TPGS1: variants seen among roughly 807,000 people sequenced by gnomAD.
The protein encoded by TPGS1 is gene trap ROSA b-geo 22.
Under a neutral mutation model 11.9 loss-of-function variants are expected in TPGS1, and 18 were observed. That is an observed-to-expected ratio of 1.51 (90% confidence interval 1.04 to 2.24). The LOEUF (loss-of-function observed/expected upper bound fraction) is 2.24. TPGS1 is among the 30% of genes most tolerant of loss of function. The pLI is 0.00. For missense variants in TPGS1, 500 were observed against 443.0 expected (o/e 1.13, Z -1.16); for synonymous variants, 247 against 218.2 (o/e 1.13, Z -1.16).
intron 1 of TPGS1, among the ~76,000 whole-genome samples, chr19:515,815 G>A (rs565857426): frequency 7.4e-4 from 112 of 152,142 alleles, no homozygotes; most frequent in African/African-American, 2.2e-3. Flanking sequence ...GGTGGATCAC[G>A]AGGTCAGGAG....
intron 1 of TPGS1, chr19:508,566 TG>T (rs34918118): frequency 0.13 from 18,445 of 140,896 alleles, 2,809 homozygotes; most frequent in African/African-American, 0.38. Flanking sequence ...TGTCTTTTGT[TG>T]GGGGGGGGGT....
At chr19:517,813 C>A (rs1311566199) in intron 1 of TPGS1, among the ~76,000 whole-genome samples, 2 of 56,950 alleles carry the variant, frequency 3.5e-5, no homozygotes, top group African/African-American at 1.6e-4. Context: ...AGGAGGAGGC[C>A]GAGGCTGGGG....
At chr19:513,958 A>C (rs768190923) in intron 1 of TPGS1, among the ~76,000 whole-genome samples, 2 of 142,700 alleles carry the variant, frequency 1.4e-5, no homozygotes, top group African/African-American at 5.4e-5. Flanking sequence ...CTGCACACCA[A>C]CCTGCCCCGG....
chr19:513,030 G>A (rs1978847089), intron 1 of TPGS1, among the ~76,000 whole-genome samples: 1 of 152,246 alleles, frequency 6.6e-6, no homozygotes, highest in African/African-American at 2.4e-5. Flanking sequence ...CCCCAAGCCA[G>A]AGCCTCGCAG....
In TPGS1 at chr19:519,110, C is replaced by G; in HGVS notation, c.560C>G (p.Thr187Ser). The change falls in exon 2 of 2, where the codon ACC (threonine) becomes AGC (serine). Residue 187 changes from threonine (T) to serine (S), a missense_variant. Transcript: ENST00000359315. The stretch of plus-strand genomic sequence containing the variant: ...AGCGTCTTCCGCGCGGGCACACTCA[C>G]CTGCTTCGTGCTGCTGGAGTTCGTG... ...PLSVFRAGTL[T>S]CFVLLEFVAR... 1.3e-6 allele frequency: 2 copies of G among 1,531,926 alleles called. No homozygotes were observed. The highest frequency in any genetic ancestry group is 1.2e-5 in the South Asian group (1 of 83,280). The allele number at this position is 1,531,926 out of a possible 1,614,324, so 94.9% of individuals were successfully genotyped here.
chr19:517,367 G>A (rs957948150), intron 1 of TPGS1, among the ~76,000 whole-genome samples: 2 of 73,134 alleles, frequency 2.7e-5, no homozygotes, highest in African/African-American at 6.3e-5. Flanking sequence ...GGGGAGGAGA[G>A]GCCTGAGCTG....
intron 1 of TPGS1, among the ~76,000 whole-genome samples, chr19:516,960 G>T (rs1978972356): frequency 6.6e-6 from 1 of 152,166 alleles, no homozygotes; most frequent in African/African-American, 2.4e-5. Context: ...GGTTAGAGCT[G>T]ATTTCACTAA....
chr19:517,945 G>T (rs1979011293), intron 1 of TPGS1, among the ~76,000 whole-genome samples: 1 of 117,732 alleles, frequency 8.5e-6, no homozygotes, highest in Non-Finnish European at 1.7e-5. Flanking sequence ...GATCCAGGTT[G>T]GGAGGAGGCC....
intron 1 of TPGS1, among the ~76,000 whole-genome samples, chr19:513,591 TACTGCATGCCGGCCCTGCATTACTGAAC>T (rs2145833015): frequency 6.7e-6 from 1 of 150,216 alleles, no homozygotes; most frequent in Admixed American, 6.6e-5. Context: ...ACTGAGCACC[TACTGCATGCCGGCCCTGCATTACTGAAC>T]ACCTACTGCA....
intron 1 of TPGS1, chr19:508,970 G>T (rs1415379468): frequency 2.0e-5 from 3 of 152,436 alleles, no homozygotes; most frequent in African/African-American, 7.2e-5. Context: ...GGCAGGCCCA[G>T]AGGGTCAGTG....
chr19:512,706 G>T (rs1472220758), intron 1 of TPGS1, among the ~76,000 whole-genome samples: 1 of 152,256 alleles, frequency 6.6e-6, no homozygotes. Context: ...CCTTCGAGAT[G>T]CCCCTGCAAG....
At chr19:512,909 C>A (rs1362283874) in intron 1 of TPGS1, among the ~76,000 whole-genome samples, 2 of 152,224 alleles carry the variant, frequency 1.3e-5, no homozygotes, top group African/African-American at 4.8e-5. Flanking sequence ...CGCGCAGCTC[C>A]CAGGGAGCAC....
chr19:518,925 G>C lies in TPGS1; in HGVS notation c.375G>C (p.Glu125Asp). 6.3e-7 allele frequency: 1 copy of C among 1,577,186 alleles called. No individual in the cohort carries two copies. Among genetic ancestry groups the C allele is most frequent in the Non-Finnish European group, 8.6e-7 (1 of 1,168,806 alleles). The change falls in exon 2 of 2, where the codon GAG becomes GAC. Residue 125 changes from glutamate (E) to aspartate (D), a missense_variant. Coordinates refer to ENST00000359315, the MANE Select transcript of TPGS1 (RefSeq NM_033513.3). ...ACAACAACGTGAGCGTGGCCTACGA[G>C]TGCCTGAGCGCCGGCGGGCGCAGGA... is the stretch of plus-strand genomic sequence containing the variant. ...AFNNNVSVAY[E>D]CLSAGGRRKR...
chr19:512,552 T>C (rs1978828542), intron 1 of TPGS1, among the ~76,000 whole-genome samples: 1 of 152,090 alleles, frequency 6.6e-6, no homozygotes, highest in Non-Finnish European at 1.5e-5. Flanking sequence ...CGATGGCTCT[T>C]AACATTCCCG....
chr19:507,784 TGCA>T lies in TPGS1; in HGVS notation c.287_289del (p.Gln96del), dbSNP rs1461837664. 5.0e-6 allele frequency: 7 copies of T among 1,389,798 alleles called. No homozygotes were observed. The highest frequency in any genetic ancestry group is 5.6e-6 in the Non-Finnish European group (6 of 1,074,864). 86.1% of individuals were successfully genotyped at this position (1,389,798 alleles called of 1,614,324 possible). ...GGGGAGCCCCCGGGCCAGCTCCTGC[TGCA>T]GCAGCAGCGCCTGGGCCGCGCGCTA... On this transcript the variant is annotated inframe_deletion, in exon 1 of 2. Coordinates refer to ENST00000359315, the MANE Select transcript of TPGS1 (RefSeq NM_033513.3).
intron 1 of TPGS1, 82 bp from the exon 2 acceptor site, chr19:518,807 G>A: frequency 7.2e-7 from 1 of 1,391,836 alleles, no homozygotes; most frequent in Non-Finnish European, 9.3e-7. Context: ...GGGAGGCTAG[G>A]GCATAGGCCT....
Position 519,107 on chromosome 19 carries a change from T to C in TPGS1, c.557T>C (p.Leu186Pro), listed in dbSNP as rs778785355. ...VPLSVFRAGTLTCFVLLEFVA... is the reference protein window; with the variant it reads ...VPLSVFRAGTPTCFVLLEFVA... The stretch of plus-strand genomic sequence containing the variant: ...CTGAGCGTCTTCCGCGCGGGCACAC[T>C]CACCTGCTTCGTGCTGCTGGAGTTC... Residue 186 changes from leucine (L) to proline (P), a missense_variant, in exon 2 of 2, where the codon CTC becomes CCC. By Grantham distance (98) the Leu-to-Pro change is moderately conservative. Coordinates refer to ENST00000359315, the MANE Select transcript of TPGS1 (RefSeq NM_033513.3). 12 of 1,530,254 alleles carry C rather than the reference T, an allele frequency of 7.8e-6. 1 individual carries two copies. In the South Asian group the frequency reaches 1.4e-4, roughly 18 times the overall value. The allele number at this position is 1,530,254 out of a possible 1,614,324, so 94.8% of individuals were successfully genotyped here. A position where few individuals can be genotyped will look rare whatever the true frequency, so the allele number is the denominator to read the frequency against.
intron 1 of TPGS1, chr19:509,635 G>A (rs73919610): frequency 0.068 from 10,339 of 152,336 alleles, 422 homozygotes; most frequent in East Asian, 0.22. Context: ...CCGTCGTCAC[G>A]TGGCCTCCTG....
chr19:507,684 C>T lies in TPGS1; in HGVS notation c.178C>T (p.Pro60Ser). Residue 60 changes from proline to serine, a missense_variant, in exon 1 of 2, where the codon CCC becomes TCC. Pro to Ser is a moderately conservative substitution (Grantham distance 74, BLOSUM62 -1). Transcript: ENST00000359315. Reference sequence around the variant, plus strand: ...CCTGCTGAAGGTGCTGGAGGCGCGGCCCGAGGAGCCGATCGCCTTCCTGGC... The same window carrying T: ...CCTGCTGAAGGTGCTGGAGGCGCGGTCCGAGGAGCCGATCGCCTTCCTGGC... ...AALLKVLEAR[P>S]EEPIAFLAHY... The T allele has an allele frequency of 7.3e-7, 1 of 1,379,130 alleles. No homozygotes were observed. The highest frequency in any genetic ancestry group is 9.5e-7 in the Non-Finnish European group (1 of 1,056,618). 85.4% of individuals were successfully genotyped at this position (1,379,130 alleles called of 1,614,324 possible).
Sources: gnomAD v4.1 joint callset for allele counts (sites outside exome capture counted in the v4.1 genomes callset) on GRCh38, gnomAD v4.1.1 for gene constraint, MANE v1.5 for transcripts, NCBI Gene and HGNC (gene_info 2026-07-23, HGNC 2026-07-21) for gene names.